TTC39C: variants seen among roughly 807,000 people sequenced by gnomAD.
TTC39C encodes tetratricopeptide repeat domain 39C.
A neutral mutation model predicts 76.3 loss-of-function variants in TTC39C; 33 were observed. The ratio of observed to expected loss-of-function variants is 0.43; its 90% CI spans 0.33 to 0.58. TTC39C has a LOEUF of 0.58. Ranked by LOEUF, TTC39C falls within the 20% of genes least tolerant of loss-of-function variation. The pLI, the probability that TTC39C is intolerant of heterozygous loss-of-function variation, is 0.04. For missense variants in TTC39C, 595 were observed against 701.4 expected, an observed-to-expected ratio of 0.85 and a Z score of 1.71; for synonymous variants, 254 against 260.6, an observed-to-expected ratio of 0.97 and a Z score of 0.24.
At chr18:24,118,593 T>G (rs1036255595) in intron 8 of TTC39C, among the ~76,000 whole-genome samples, 3 of 152,152 alleles carry the variant, frequency 2.0e-5, no homozygotes, top group Non-Finnish European at 2.9e-5. Context: ...TAATATGCTA[T>G]GTTTTTTATT....
intron 1 of TTC39C, among the ~76,000 whole-genome samples, chr18:24,043,331 C>T (rs893438406): frequency 2.0e-5 from 3 of 152,120 alleles, no homozygotes; most frequent in African/African-American, 7.2e-5. Flanking sequence ...CACTGCACTC[C>T]AGCCTTGGTG....
rs186838769 is a variant in TTC39C at position 24,092,637 on chromosome 18, A to G, written c.984+9556A>G. Reference sequence around the variant, plus strand: ...GTAAAAAGTCAGTCACAAAGACCATATACTATATGATTCCATTTATATGAC... The same window carrying G: ...GTAAAAAGTCAGTCACAAAGACCATGTACTATATGATTCCATTTATATGAC... On this transcript the variant is annotated intron_variant, in intron 6 of 13. Coordinates refer to ENST00000317571, the MANE Select transcript of TTC39C (RefSeq NM_001135993.2). Among the ~76,000 whole-genome samples the G allele has an allele frequency of 3.9e-5, 6 of 152,370 alleles. No homozygotes were observed. In the East Asian group the frequency reaches 1.2e-3, roughly 29 times the overall value.
intron 6 of TTC39C, chr18:24,113,967 A>G: frequency 2.4e-6 from 1 of 421,246 alleles, no homozygotes; most frequent in South Asian, 2.2e-5. Context: ...ATTGGAGAAC[A>G]GCATTCTAGG....
At chr18:24,006,974 G>A (rs1346262232) in intron 1 of TTC39C, among the ~76,000 whole-genome samples, 1 of 152,138 alleles carries the variant, frequency 6.6e-6, no homozygotes, top group Non-Finnish European at 1.5e-5. Context: ...AGTATACTAC[G>A]AAAAACCAGA....
At chr18:24,064,557 GAGCAGAGCTAAAATTCGTCAGTTTGTA>G (rs2084142740) in intron 2 of TTC39C, among the ~76,000 whole-genome samples, 1 of 152,164 alleles carries the variant, frequency 6.6e-6, no homozygotes, top group Non-Finnish European at 1.5e-5. Flanking sequence ...CAAGTTAAAT[GAGCAGAGCTAAAATTCGTCAGTTTGTA>G]TTACATTTCC....
intron 10 of TTC39C, 124 bp downstream of exon 10, chr18:24,125,674 C>G (rs2085041867): frequency 7.8e-7 from 1 of 1,284,918 alleles, no homozygotes; most frequent in Non-Finnish European, 1.1e-6. Context: ...GAGTACACAT[C>G]TCTCCTTAGA....
At chr18:23,998,539 G>A (rs961545369) in intron 1 of TTC39C, among the ~76,000 whole-genome samples, 1 of 152,134 alleles carries the variant, frequency 6.6e-6, no homozygotes, top group Admixed American at 6.5e-5. Flanking sequence ...GAACCCAGGA[G>A]GTGGAGGTTG....
At chr18:24,092,109 A>T (rs1421885803) in intron 6 of TTC39C, among the ~76,000 whole-genome samples, 4 of 134,044 alleles carry the variant, frequency 3.0e-5, no homozygotes, top group Admixed American at 9.2e-5. Context: ...AAAAAAAAAA[A>T]AAAAAAAAAA....
intron 1 of TTC39C, among the ~76,000 whole-genome samples, chr18:24,021,236 A>G (rs2083513579): frequency 6.6e-6 from 1 of 152,134 alleles, no homozygotes; most frequent in South Asian, 2.1e-4. Flanking sequence ...CTGTGAAAGG[A>G]GTCAGGTGGG....
intron 6 of TTC39C, among the ~76,000 whole-genome samples, chr18:24,103,793 T>G (rs1271789443): frequency 4.6e-5 from 7 of 150,890 alleles, no homozygotes; most frequent in Admixed American, 4.6e-4. Flanking sequence ...TTTGCTCTTC[T>G]TGCCCTGCAG....
At chr18:24,097,852 G>A (rs1252787687) in intron 6 of TTC39C, among the ~76,000 whole-genome samples, 1 of 151,942 alleles carries the variant, frequency 6.6e-6, no homozygotes, top group Non-Finnish European at 1.5e-5. Context: ...GCTCTGATAG[G>A]GGCTCTTTTC....
intron 1 of TTC39C, among the ~76,000 whole-genome samples, chr18:24,031,981 T>TAC (rs1339318421): frequency 2.6e-5 from 4 of 152,172 alleles, no homozygotes; most frequent in Non-Finnish European, 5.9e-5. Flanking sequence ...AAAGAGATTT[T>TAC]ACACACACGC....
intron 1 of TTC39C, among the ~76,000 whole-genome samples, chr18:24,042,706 G>A (rs966692917): frequency 1.3e-5 from 2 of 152,204 alleles, no homozygotes; most frequent in Admixed American, 1.3e-4. Flanking sequence ...CTCTCCAAGA[G>A]TTTTTACAGG....
Position 24,092,110 on chromosome 18 carries a change from A to AT in TTC39C, c.984+9029_984+9030insT, listed in dbSNP as rs1568434523. Among the ~76,000 whole-genome samples, 13 of 132,962 alleles carry AT rather than the reference A, an allele frequency of 9.8e-5. 1 individual carries two copies. Among genetic ancestry groups the AT allele is most frequent in the African/African-American group, 2.5e-4 (9 of 36,186 alleles). 87.2% of individuals were successfully genotyped at this position (132,962 alleles called of 152,430 possible). A position where few individuals can be genotyped will look rare whatever the true frequency, so the allele number is the denominator to read the frequency against. On this transcript the variant is annotated intron_variant, in intron 6 of 13. Coordinates refer to ENST00000317571, the MANE Select transcript of TTC39C (RefSeq NM_001135993.2). ...TCAGTCTCAAAAAAAAAAAAAAAAA[A>AT]AAAAAAAAAAAAAAATAATAATAAT...
intron 4 of TTC39C, among the ~76,000 whole-genome samples, chr18:24,075,670 G>A (rs1003690203): frequency 7.5e-6 from 1 of 133,204 alleles, no homozygotes; most frequent in Non-Finnish European, 1.6e-5. Context: ...AGCAATCCAA[G>A]TGAGACCTTG....
At chr18:24,128,591 C>T (rs2085080560) in intron 10 of TTC39C, among the ~76,000 whole-genome samples, 1 of 152,184 alleles carries the variant, frequency 6.6e-6, no homozygotes, top group South Asian at 2.1e-4. Context: ...GTAACATTCT[C>T]TAACCTGTGT....
intron 1 of TTC39C, among the ~76,000 whole-genome samples, chr18:24,030,607 C>T (rs1227608088): frequency 4.8e-5 from 7 of 147,224 alleles, no homozygotes; most frequent in African/African-American, 1.7e-4. Flanking sequence ...GTGTGTATTT[C>T]ATCCTTAATC....
At chr18:24,057,771 G>C (rs752510197) in intron 1 of TTC39C, among the ~76,000 whole-genome samples, 3 of 152,034 alleles carry the variant, frequency 2.0e-5, no homozygotes, top group Non-Finnish European at 2.9e-5. Flanking sequence ...ATTCATTTCT[G>C]TTGTGAAAAT....
intron 7 of TTC39C, among the ~76,000 whole-genome samples, chr18:24,117,451 C>T (rs2084908515): frequency 6.6e-6 from 1 of 152,062 alleles, no homozygotes; most frequent in Non-Finnish European, 1.5e-5. Flanking sequence ...CCTGTAATCC[C>T]AGCACTTTGG....
Sources: gnomAD v4.1 joint callset for allele counts (sites outside exome capture counted in the v4.1 genomes callset) on GRCh38, gnomAD v4.1.1 for gene constraint, MANE v1.5 for transcripts, NCBI Gene and HGNC (gene_info 2026-07-23, HGNC 2026-07-21) for gene names.